The following HERC1 variants were observed in gnomAD, a reference collection of about 807,000 sequenced individuals.
The protein encoded by HERC1 is HECT and RLD domain containing E3 ubiquitin protein ligase family member 1, also known as probable E3 ubiquitin-protein ligase HERC1.
HERC1 carries 160 observed loss-of-function variants against 554.3 expected under a neutral mutation model. The observed-to-expected ratio is 0.29, with a 90% CI of 0.25 to 0.33. HERC1 has a LOEUF of 0.33. Among genes scored for constraint, HERC1 ranks in the 10% least tolerant of loss-of-function variants. The pLI is 1.00. For synonymous variants in HERC1, 2,175 were observed against 2,131.7 expected, an observed-to-expected ratio of 1.02 and a Z score of -0.56; for missense variants, 4,919 against 5,918.5, an observed-to-expected ratio of 0.83 and a Z score of 5.54.
rs768537853 is a variant in HERC1, at chr15:63,677,997, C to G, written c.6918G>C (p.Val2306=). 1.9e-6 allele frequency: 3 copies of G among 1,614,004 alleles called. No individual in the cohort carries two copies. Among genetic ancestry groups the G allele is most frequent in the Non-Finnish European group, 2.5e-6 (3 of 1,179,890 alleles). The change falls in exon 37 of 78, where the codon GTG becomes GTC. Residue 2306 remains valine, a synonymous_variant. Coordinates refer to ENST00000443617, the MANE Select transcript of HERC1 (RefSeq NM_003922.4). This position sits in a 1 kb window ranked among gnomAD's most constrained non-coding sequence, Gnocchi z 4.4. ...CATCAACTCCTCCTATCACAGCCAG[C>G]ACGGGCCACACCTCTATGCAAAGAG... ...LRTLCIEVWP[V]LAVIGGVDAG... is the part of the protein sequence containing the mutation.
intron 1 of HERC1, among the ~76,000 whole-genome samples, chr15:63,804,593 AAAC>A (rs1412465964): frequency 5.3e-5 from 8 of 152,140 alleles, no homozygotes; most frequent in Non-Finnish European, 1.0e-4. Flanking sequence ...TCAAAAAAAA[AAAC>A]AACACTGTTA....
intron 70 of HERC1, 60 bp downstream of exon 70, chr15:63,628,616 AG>A: frequency 6.7e-7 from 1 of 1,499,046 alleles, no homozygotes; most frequent in South Asian, 1.3e-5. Flanking sequence ...GCAAGCAGAC[AG>A]TGCCATGGGG....
intron 12 of HERC1, among the ~76,000 whole-genome samples, chr15:63,737,872 T>C (rs889493554): frequency 6.6e-6 from 1 of 152,122 alleles, no homozygotes; most frequent in African/African-American, 2.4e-5. Flanking sequence ...TAGAAGACAA[T>C]GAAGCAATGA....
At chr15:63,824,328 T>C (rs1272802585) in intron 1 of HERC1, among the ~76,000 whole-genome samples, 1 of 151,984 alleles carries the variant, frequency 6.6e-6, no homozygotes, top group Non-Finnish European at 1.5e-5. Flanking sequence ...GGTCAGGAGA[T>C]GGAGACCATC....
At chr15:63,620,892 C>A (rs1390426853) in intron 74 of HERC1, among the ~76,000 whole-genome samples, 1 of 152,156 alleles carries the variant, frequency 6.6e-6, no homozygotes, top group Non-Finnish European at 1.5e-5. Context: ...TGTGTCTCTG[C>A]ATGTGAGATG....
chr15:63,617,996 G>A (rs1595825488), intron 74 of HERC1, among the ~76,000 whole-genome samples: 1 of 152,142 alleles, frequency 6.6e-6, no homozygotes, highest in Admixed American at 6.5e-5. Context: ...CTGTGCAGAA[G>A]CTCTTTAGTT....
intron 64 of HERC1, 90 bp from the exon 65 acceptor site, chr15:63,636,232 A>C: frequency 7.5e-6 from 8 of 1,069,308 alleles, no homozygotes; most frequent in Non-Finnish European, 1.1e-5. Flanking sequence ...TCAATCAAAA[A>C]CCACCGAATT....
Position 63,659,719 on chromosome 15 carries a change from T to G in HERC1, c.9424+17A>C, listed in dbSNP as rs1375157135. The G allele has an allele frequency of 6.3e-7, 1 of 1,588,096 alleles. No homozygotes were observed. The highest frequency in any genetic ancestry group is 1.3e-5 in the African/African-American group (1 of 74,392). On this transcript the variant is annotated intron_variant, in intron 47 of 77. Transcript: ENST00000443617. ...GTAGATGCTATAAAATCAATGCAAA[T>G]CAGGATTTCAGTTTACCTATTTGCA... is the stretch of plus-strand genomic sequence containing the variant.
chr15:63,679,530 A>G (rs2071373942), intron 36 of HERC1, among the ~76,000 whole-genome samples: 1 of 152,152 alleles, frequency 6.6e-6, no homozygotes, highest in Admixed American at 6.6e-5. Context: ...AGTAGGGAAA[A>G]AAAATCTACC....
chr15:63,632,492 G>C, intron 68 of HERC1: 1 of 616,058 alleles, frequency 1.6e-6, no homozygotes, highest in Non-Finnish European at 2.9e-6. Context: ...AAGAGTGCTG[G>C]CTCTGGCATA....
Position 63,692,605 on chromosome 15 carries a change from C to A in HERC1, c.5675-39G>T. The A allele has an allele frequency of 6.5e-7, 1 of 1,535,304 alleles. No homozygotes were observed. The highest frequency in any genetic ancestry group is 8.8e-7 in the Non-Finnish European group (1 of 1,141,310). ...ACAAGTTTACGTTACAACCAAGAGC[C>A]AACAAGAAATAGTCTTATATCACAT... On this transcript the variant is annotated intron_variant, in intron 30 of 77. Coordinates refer to ENST00000443617, the MANE Select transcript of HERC1 (RefSeq NM_003922.4). The surrounding 1 kb of genome is among the most constrained non-coding windows in gnomAD (Gnocchi z 4.7).
At chr15:63,799,398 G>A (rs1175507095) in intron 1 of HERC1, among the ~76,000 whole-genome samples, 4 of 152,052 alleles carry the variant, frequency 2.6e-5, no homozygotes, top group Non-Finnish European at 4.4e-5. Flanking sequence ...TACTCAGGAG[G>A]CTAAGGTGGG....
Position 63,635,974 on chromosome 15 carries a change from T to C in HERC1, c.12401A>G (p.Glu4134Gly), listed in dbSNP as rs1409410393. ...RPRQIEALQGEEVVQMSCGFK... is the reference protein window; with the variant it reads ...RPRQIEALQGGEVVQMSCGFK... ...TTCCTGCCTGACCTGCACCACTTCTTCTCCTTGTAAGGCCTCGATCTGCCT... is the reference window on the plus strand; with the variant it reads ...TTCCTGCCTGACCTGCACCACTTCTCCTCCTTGTAAGGCCTCGATCTGCCT... The change falls in exon 65 of 78, where the codon GAA becomes GGA. Residue 4134 changes from glutamate to glycine, a missense_variant. Glu to Gly is a moderately conservative substitution (Grantham distance 98). This residue lies in a region of HERC1 where 122 missense variants were observed against 195.2 expected (regional missense o/e 0.63). Coordinates refer to ENST00000443617, the MANE Select transcript of HERC1 (RefSeq NM_003922.4). 1 of 1,613,950 alleles carries C rather than the reference T, an allele frequency of 6.2e-7. No individual in the cohort carries two copies. Among genetic ancestry groups the C allele is most frequent in the Non-Finnish European group, 8.5e-7 (1 of 1,179,858 alleles).
chr15:63,702,257 A>G (rs1230196238), intron 25 of HERC1, among the ~76,000 whole-genome samples: 2 of 152,194 alleles, frequency 1.3e-5, no homozygotes, highest in African/African-American at 2.4e-5. Context: ...GGAGAGAAAC[A>G]TTTACATTCG....
intron 76 of HERC1, among the ~76,000 whole-genome samples, chr15:63,613,764 T>C (rs1376164138): frequency 6.6e-6 from 1 of 151,906 alleles, no homozygotes; most frequent in African/African-American, 2.4e-5. Context: ...GCCCAACAGT[T>C]CAAAGCTGCA....
intron 59 of HERC1, among the ~76,000 whole-genome samples, 151 bp from the exon 60 acceptor site, chr15:63,641,794 T>C (rs1350288434): frequency 6.6e-6 from 1 of 152,178 alleles, no homozygotes; most frequent in Non-Finnish European, 1.5e-5. Flanking sequence ...TTAATGCCTA[T>C]GGAACTTCAA....
At position 63,626,019 on chromosome 15, in the gene HERC1, GATGAGTAC is replaced by G; in HGVS notation, c.13233_13240del (p.Met4411IlefsTer8). ...GGGGCTAAGGTTCAGCAGTCTCCAG[GATGAGTAC>G]ATGAGGTCAGAGAAGTGGTAGAGCA... On this transcript the variant is annotated frameshift_variant, in exon 71 of 78. Coordinates refer to ENST00000443617, the MANE Select transcript of HERC1 (RefSeq NM_003922.4). LOFTEE classifies it high-confidence loss of function. The G allele has an allele frequency of 6.2e-7, 1 of 1,612,024 alleles. No homozygotes were observed. The highest frequency in any genetic ancestry group is 8.5e-7 in the Non-Finnish European group (1 of 1,179,088).
At position 63,649,714 on chromosome 15, in the gene HERC1, C is replaced by T; in HGVS notation, c.10747+11G>A. On this transcript the variant is annotated intron_variant, in intron 54 of 77. Coordinates refer to ENST00000443617, the MANE Select transcript of HERC1 (RefSeq NM_003922.4). ...AGACTCCGTCAGCTAGACGTAAGTG[C>T]AGTCATTTACCATCCTTTCGATAGC... The T allele has an allele frequency of 1.2e-6, 2 of 1,607,296 alleles. No homozygotes were observed. The highest frequency in any genetic ancestry group is 1.1e-5 in the South Asian group (1 of 90,424).
At chr15:63,667,815 C>G (rs1246411380) in intron 40 of HERC1, among the ~76,000 whole-genome samples, 1 of 152,200 alleles carries the variant, frequency 6.6e-6, no homozygotes, top group Non-Finnish European at 1.5e-5. Context: ...CTCGGGTCCA[C>G]TTACATGTGG....
Sources: allele counts gnomAD v4.1 joint callset (sites outside exome capture counted in the v4.1 genomes callset), GRCh38; gene constraint gnomAD v4.1.1; regional missense constraint gnomAD v4.1.1; non-coding constraint Gnocchi (gnomAD v3.1); transcripts MANE v1.5; gene names NCBI Gene and HGNC (gene_info 2026-07-23, HGNC 2026-07-21).